RAD23B: variants seen among roughly 807,000 people sequenced by gnomAD.
RAD23B encodes RAD23 nucleotide excision repair protein B, also known as lysine-specific demethylase RAD23B.
Under a neutral mutation model 49.1 loss-of-function variants are expected in RAD23B, and 5 were observed. That is an observed-to-expected ratio of 0.10 (90% CI 0.05 to 0.21). RAD23B has a LOEUF of 0.21. Ranked by LOEUF, RAD23B falls within the 10% of genes least tolerant of loss-of-function variation. The probability of loss-of-function intolerance (pLI) is 1.00; values close to 1 mark genes in which losing one functional copy is unlikely to be tolerated. For synonymous variants in RAD23B, 184 were observed against 165.4 expected, an observed-to-expected ratio of 1.11 and a Z score of -0.86; for missense variants, 356 against 486.7, an observed-to-expected ratio of 0.73 and a Z score of 2.53.
Position 107,319,128 on chromosome 9 carries a change from C to CTTTTTTTTTTTTTT in RAD23B, c.681+256_681+269dup, listed in dbSNP as rs56891354. 3.4e-4 allele frequency among the ~76,000 whole-genome samples: 33 copies of CTTTTTTTTTTTTTT among 97,804 alleles called. 1 individual carries two copies. The highest frequency in any genetic ancestry group is 8.4e-4 in the African/African-American group (21 of 25,086). The allele number at this position is 97,804 out of a possible 152,430, so 64.2% of individuals were successfully genotyped here. On this transcript the variant is annotated intron_variant, in intron 6 of 9. Coordinates refer to ENST00000358015, the MANE Select transcript of RAD23B (RefSeq NM_002874.5). Reference sequence around the variant, plus strand: ...TATTCAGAACAAAAATTTCTTTTTTCTTTTTTTTTTTTTTTTTTTTGAGAC... The same window carrying CTTTTTTTTTTTTTT: ...TATTCAGAACAAAAATTTCTTTTTTCTTTTTTTTTTTTTTTTTTTTTTTTTTTTTTTTTTGAGAC...
intron 1 of RAD23B, among the ~76,000 whole-genome samples, chr9:107,286,629 G>A (rs1008845092): frequency 6.6e-6 from 1 of 152,244 alleles, no homozygotes; most frequent in South Asian, 2.1e-4. Context: ...TGGTATGTGT[G>A]GGGTAGGGAG....
At position 107,332,148 on chromosome 9, in the gene RAD23B, G is replaced by T. The variant is rs980488986; in HGVS notation, c.*2492G>T. 1 of 176,472 alleles carries T rather than the reference G, an allele frequency of 5.7e-6. No homozygotes were observed. The highest frequency in any genetic ancestry group is 2.3e-5 in the African/African-American group (1 of 42,654). 10.9% of individuals were successfully genotyped at this position (176,472 alleles called of 1,614,324 possible). ...ATATAATTTTTTCCTGTACTGGATG[G>T]CTAGGATTCTAGAGAATTGATTATA... is the stretch of plus-strand genomic sequence containing the variant. On this transcript the variant is annotated 3_prime_UTR_variant, in exon 10 of 10. Transcript: ENST00000358015.
At chr9:107,294,830 C>T (rs1826466127) in intron 1 of RAD23B, among the ~76,000 whole-genome samples, 1 of 152,088 alleles carries the variant, frequency 6.6e-6, no homozygotes, top group Non-Finnish European at 1.5e-5. Flanking sequence ...ATGGATTATC[C>T]TGGAAGTCTA....
At position 107,329,688 on chromosome 9, in the gene RAD23B, C is replaced by T; in HGVS notation, c.*32C>T. The T allele has an allele frequency of 1.4e-6, 2 of 1,404,132 alleles. No individual in the cohort carries two copies. The highest frequency in any genetic ancestry group is 1.0e-6 in the Non-Finnish European group (1 of 992,702). 87.0% of individuals were successfully genotyped at this position (1,404,132 alleles called of 1,614,324 possible). A position where few individuals can be genotyped will look rare whatever the true frequency, so the allele number is the denominator to read the frequency against. ...CTTTTTTATATCTCACACTTCACAC[C>T]AGTGCATTACACTAACTTGTTCACT... On this transcript the variant is annotated 3_prime_UTR_variant, in exon 10 of 10. Transcript: ENST00000358015.
chr9:107,283,605 G>C lies in RAD23B; in HGVS notation c.-25G>C, dbSNP rs1833202555. ...AGCGGCCAGCACCCGGCGCAGGCCC[G>C]GCAGCCGAGCTGCGCGGCGGCACCA... On this transcript the variant is annotated 5_prime_UTR_variant, in exon 1 of 10. Coordinates refer to ENST00000358015, the MANE Select transcript of RAD23B (RefSeq NM_002874.5). The C allele has an allele frequency of 2.0e-6, 3 of 1,468,470 alleles. No individual in the cohort carries two copies. The highest frequency in any genetic ancestry group is 2.6e-5 in the South Asian group (2 of 76,894). The allele number at this position is 1,468,470 out of a possible 1,614,324, so 91.0% of individuals were successfully genotyped here.
chr9:107,290,730 T>C (rs1833367175), intron 1 of RAD23B, among the ~76,000 whole-genome samples: 1 of 152,092 alleles, frequency 6.6e-6, no homozygotes, highest in African/African-American at 2.4e-5. Flanking sequence ...TTTAAACAAA[T>C]CCTGCTTTCA....
intron 1 of RAD23B, chr9:107,283,958 C>T (rs1378146227): frequency 3.5e-6 from 4 of 1,130,304 alleles, no homozygotes; most frequent in East Asian, 4.8e-5. Context: ...GCCCGCGGGC[C>T]TGGGCCTAGG....
intron 3 of RAD23B, 23 bp from the exon 4 acceptor site, chr9:107,306,356 A>G: frequency 6.3e-7 from 1 of 1,596,584 alleles, no homozygotes. Flanking sequence ...TATTGTAATT[A>G]TTTTGTCTTT....
intron 4 of RAD23B, among the ~76,000 whole-genome samples, 191 bp downstream of exon 4, chr9:107,306,838 A>C (rs747725357): frequency 5.1e-4 from 77 of 152,136 alleles, no homozygotes; most frequent in Non-Finnish European, 1.0e-3. Context: ...ACAAATTTTC[A>C]TAATCAGATT....
rs537892775 is a variant in RAD23B at position 107,302,878 on chromosome 9, G to A, written c.228+764G>A. 3.6e-4 allele frequency among the ~76,000 whole-genome samples: 54 copies of A among 152,038 alleles called. No individual in the cohort carries two copies. In the South Asian group the frequency reaches 0.011, roughly 30 times the overall value. ...TCACCGTGTTAGCCAGGATGGTCTC[G>A]ATTTCCTGACCTCGTGATCCGCCCG... On this transcript the variant is annotated intron_variant, in intron 3 of 9. Transcript: ENST00000358015.
intron 7 of RAD23B, among the ~76,000 whole-genome samples, chr9:107,323,183 A>G (rs1184556553): frequency 2.0e-5 from 3 of 152,136 alleles, no homozygotes; most frequent in Non-Finnish European, 4.4e-5. Context: ...GAAGTTCTGT[A>G]TTTTATATTT....
intron 1 of RAD23B, among the ~76,000 whole-genome samples, chr9:107,294,805 C>T (rs572870637): frequency 2.0e-5 from 3 of 152,216 alleles, no homozygotes; most frequent in African/African-American, 4.8e-5. Flanking sequence ...GTTATTGAAA[C>T]TAGGAGTAGA....
Position 107,300,176 on chromosome 9 carries a change from G to A in RAD23B, c.102G>A (p.Lys34=). The A allele has an allele frequency of 6.2e-7, 1 of 1,609,092 alleles. No homozygotes were observed. The highest frequency in any genetic ancestry group is 8.5e-7 in the Non-Finnish European group (1 of 1,177,688). Reference sequence around the variant, plus strand: ...TGAAAGAGAAGATTGAATCTGAAAAGGGGAAAGATGCCTTTCCAGTAGCAG... The same window carrying A: ...TGAAAGAGAAGATTGAATCTGAAAAAGGGAAAGATGCCTTTCCAGTAGCAG... ...KALKEKIESE[K]GKDAFPVAGQ... The change falls in exon 2 of 10, where the codon AAG becomes AAA. Residue 34 remains lysine, a synonymous_variant. Transcript: ENST00000358015.
At chr9:107,290,223 T>C (rs1487275433) in intron 1 of RAD23B, among the ~76,000 whole-genome samples, 2 of 152,248 alleles carry the variant, frequency 1.3e-5, no homozygotes, top group East Asian at 3.8e-4. Context: ...CTTCTTACTG[T>C]AGATAGTTCT....
At chr9:107,283,841 G>A in intron 1 of RAD23B, 146 bp downstream of exon 1, 1 of 922,106 alleles carries the variant, frequency 1.1e-6, no homozygotes, top group Non-Finnish European at 1.4e-6. Flanking sequence ...CCCTGGCGGC[G>A]TACAGCGGAG....
intron 5 of RAD23B, among the ~76,000 whole-genome samples, chr9:107,313,939 C>T (rs2133087299): frequency 6.6e-6 from 1 of 151,836 alleles, no homozygotes; most frequent in African/African-American, 2.4e-5. Context: ...TCCTTCCTTT[C>T]TCCTTCCTTC....
intron 7 of RAD23B, among the ~76,000 whole-genome samples, chr9:107,323,544 C>A (rs1270343432): frequency 6.6e-6 from 1 of 152,076 alleles, no homozygotes; most frequent in Non-Finnish European, 1.5e-5. Context: ...TTTTAAGCAA[C>A]AGGAACAACT....
In RAD23B at chr9:107,331,904, A is replaced by G. The variant is rs2133105330; in HGVS notation, c.*2248A>G. The G allele has an allele frequency of 2.1e-6, 1 of 485,328 alleles. No homozygotes were observed. Among genetic ancestry groups the G allele is most frequent in the Non-Finnish European group, 3.7e-6 (1 of 273,282 alleles). 30.1% of individuals were successfully genotyped at this position (485,328 alleles called of 1,614,324 possible). A position where few individuals can be genotyped will look rare whatever the true frequency, so the allele number is the denominator to read the frequency against. On this transcript the variant is annotated 3_prime_UTR_variant, in exon 10 of 10. Coordinates refer to ENST00000358015, the MANE Select transcript of RAD23B (RefSeq NM_002874.5). ...TAGGCTTTTTGTGCCTTTTGCTGTTAATGTTTAATTTACAAACTGTTTTGG... is the reference window on the plus strand; with the variant it reads ...TAGGCTTTTTGTGCCTTTTGCTGTTGATGTTTAATTTACAAACTGTTTTGG...
chr9:107,317,094 G>A (rs1827013231), intron 5 of RAD23B, among the ~76,000 whole-genome samples: 1 of 46,096 alleles, frequency 2.2e-5, no homozygotes, highest in Non-Finnish European at 3.8e-5. Context: ...GCACACGCGT[G>A]CGTGTGTGTG....
Sources: gnomAD v4.1 joint callset for allele counts (sites outside exome capture counted in the v4.1 genomes callset) on GRCh38, gnomAD v4.1.1 for gene constraint, MANE v1.5 for transcripts, NCBI Gene and HGNC (gene_info 2026-07-23, HGNC 2026-07-21) for gene names.